Variants in CHD6 observed in about 807,000 individuals in gnomAD.
CHD6 encodes chromodomain helicase DNA binding protein 6.
In CHD6, 50 loss-of-function variants were observed where a neutral mutation model predicts 276.9. The ratio of observed to expected loss-of-function variants is 0.18; its 90% CI spans 0.14 to 0.23. The LOEUF (loss-of-function observed/expected upper bound fraction) is 0.23. CHD6 is among the 10% of genes least tolerant of loss of function. The pLI, the probability that CHD6 is intolerant of heterozygous loss-of-function variation, is 1.00. For synonymous variants in CHD6, 1,173 were observed against 1,229.3 expected (o/e 0.95, Z 0.96); for missense variants, 2,564 against 3,365.8 (o/e 0.76, Z 5.89).
At chr20:41,559,007 C>CAA (rs905646456) in intron 1 of CHD6, among the ~76,000 whole-genome samples, 1 of 152,164 alleles carries the variant, frequency 6.6e-6, no homozygotes, top group African/African-American at 2.4e-5. Context: ...TTAAGTGAAA[C>CAA]AACTTAAGGC....
chr20:41,580,589 G>A (rs974038031), intron 1 of CHD6, among the ~76,000 whole-genome samples: 1 of 139,788 alleles, frequency 7.2e-6, no homozygotes, highest in Non-Finnish European at 1.5e-5. Flanking sequence ...AAGCCTGGGA[G>A]GTCAAAGTTG....
intron 1 of CHD6, among the ~76,000 whole-genome samples, chr20:41,614,539 T>C (rs1183901326): frequency 1.3e-5 from 2 of 152,098 alleles, no homozygotes; most frequent in African/African-American, 2.4e-5. Flanking sequence ...GCAAACAACA[T>C]AATGAATAAA....
At chr20:41,405,594 C>T in intron 36 of CHD6, 105 bp from the exon 37 acceptor site, 2 of 844,282 alleles carry the variant, frequency 2.4e-6, no homozygotes, top group African/African-American at 1.7e-5. Context: ...TCTCCAGCTG[C>T]ACGAAGGGTT....
At chr20:41,470,931 G>A (rs977273652) in intron 17 of CHD6, among the ~76,000 whole-genome samples, 1 of 152,210 alleles carries the variant, frequency 6.6e-6, no homozygotes, top group Non-Finnish European at 1.5e-5. Context: ...ATGTCCAGCC[G>A]AGGTGTCCTC....
At chr20:41,406,554 A>G (rs544138871) in intron 36 of CHD6, among the ~76,000 whole-genome samples, 14 of 152,192 alleles carry the variant, frequency 9.2e-5, no homozygotes, top group Non-Finnish European at 1.6e-4. Flanking sequence ...GGAGCTCAGG[A>G]GCTCTGCAGG....
chr20:41,541,667 C>T (rs1361848268), intron 2 of CHD6, among the ~76,000 whole-genome samples: 1 of 152,190 alleles, frequency 6.6e-6, no homozygotes, highest in African/African-American at 2.4e-5. Context: ...CAGGGTATCC[C>T]TGAAGCCTGA....
At chr20:41,423,447 G>C in intron 30 of CHD6, 45 bp downstream of exon 30, 1 of 1,560,022 alleles carries the variant, frequency 6.4e-7, no homozygotes, top group Non-Finnish European at 8.8e-7. Context: ...AAATCAGAAT[G>C]TTCTTTCCTT....
intron 1 of CHD6, among the ~76,000 whole-genome samples, chr20:41,559,098 T>A (rs550328787): frequency 1.3e-4 from 20 of 152,136 alleles, no homozygotes; most frequent in African/African-American, 4.8e-4. Context: ...TTGCTTAAAG[T>A]AAGGACTTCC....
intron 1 of CHD6, among the ~76,000 whole-genome samples, chr20:41,604,011 T>C (rs551287164): frequency 9.8e-6 from 1 of 102,298 alleles, no homozygotes; most frequent in Non-Finnish European, 1.8e-5. Flanking sequence ...CGTGTTTGTA[T>C]AGGAAGGGTG....
At position 41,415,729 on chromosome 20, in the gene CHD6, A is replaced by T. The variant is rs990494103; in HGVS notation, c.6487-91T>A. 5.2e-6 allele frequency: 5 copies of T among 956,524 alleles called. No homozygotes were observed. The African/African-American group carries it at 8.2e-5, about 16-fold the overall frequency. The allele number at this position is 956,524 out of a possible 1,614,324, so 59.3% of individuals were successfully genotyped here. ...TCCAGGCCTGATTTCCCTAGGCCTC[A>T]TATTGTTTCCAATCATCTTTTTAGG... On this transcript the variant is annotated intron_variant, in intron 33 of 36. Coordinates refer to ENST00000373233, the MANE Select transcript of CHD6 (RefSeq NM_032221.5).
At chr20:41,592,714 A>G (rs368073610) in intron 1 of CHD6, among the ~76,000 whole-genome samples, 3 of 152,326 alleles carry the variant, frequency 2.0e-5, no homozygotes, top group East Asian at 1.9e-4. Flanking sequence ...AAGGGAAGGA[A>G]CAAAAAGGCA....
chr20:41,418,618 T>G (rs1454038618), intron 31 of CHD6, among the ~76,000 whole-genome samples: 1 of 151,968 alleles, frequency 6.6e-6, no homozygotes, highest in Non-Finnish European at 1.5e-5. Context: ...CAAAATCATG[T>G]GAGACAGAAA....
Position 41,444,097 on chromosome 20 carries a change from C to T in CHD6, c.3877+1568G>A, listed in dbSNP as rs141986614. Among the ~76,000 whole-genome samples, 417 of 152,296 alleles carry T rather than the reference C, an allele frequency of 2.7e-3. 2 individuals are homozygous for T. The highest frequency in any genetic ancestry group is 0.024 in the Middle Eastern group (7 of 294). The stretch of plus-strand genomic sequence containing the variant: ...AGACTCAGGGTCACTAGGCCTTCCC[C>T]CACAAACCAAATTCAGATGCTCTGG... On this transcript the variant is annotated intron_variant, in intron 25 of 36. Transcript: ENST00000373233.
intron 1 of CHD6, among the ~76,000 whole-genome samples, chr20:41,563,496 G>C (rs994251696): frequency 6.6e-6 from 1 of 152,112 alleles, no homozygotes; most frequent in Non-Finnish European, 1.5e-5. Context: ...GGATCTCTGA[G>C]GTCACATGGC....
intron 2 of CHD6, among the ~76,000 whole-genome samples, chr20:41,534,557 T>C (rs964093374): frequency 3.6e-5 from 5 of 140,822 alleles, no homozygotes; most frequent in Non-Finnish European, 7.6e-5. Flanking sequence ...GAGAAAAAGA[T>C]GAAAGAAAGG....
chr20:41,476,350 T>C (rs1173192197), intron 16 of CHD6, among the ~76,000 whole-genome samples: 1 of 152,014 alleles, frequency 6.6e-6, no homozygotes, highest in Non-Finnish European at 1.5e-5. Flanking sequence ...GGTGGCACCC[T>C]GGAAAAAACC....
chr20:41,456,809 A>C (rs1184638497), intron 18 of CHD6, among the ~76,000 whole-genome samples: 1 of 152,202 alleles, frequency 6.6e-6, no homozygotes, highest in Non-Finnish European at 1.5e-5. Flanking sequence ...GCCTTATTTT[A>C]AGCTGCTAAT....
chr20:41,485,200 C>T (rs955379380), intron 14 of CHD6, among the ~76,000 whole-genome samples: 1 of 152,152 alleles, frequency 6.6e-6, no homozygotes, highest in Non-Finnish European at 1.5e-5. Flanking sequence ...TTCTTTGCTA[C>T]AATTTGTCTG....
At chr20:41,513,282 T>C (rs746647165) in intron 4 of CHD6, among the ~76,000 whole-genome samples, 4 of 152,136 alleles carry the variant, frequency 2.6e-5, no homozygotes, top group Admixed American at 1.3e-4. Context: ...TCATCAACGG[T>C]AGTGACTTTC....
Sources: gnomAD v4.1 joint callset for allele counts (sites outside exome capture counted in the v4.1 genomes callset) on GRCh38, gnomAD v4.1.1 for gene constraint, MANE v1.5 for transcripts, NCBI Gene and HGNC (gene_info 2026-07-23, HGNC 2026-07-21) for gene names.